Variants in RBM23 observed in about 807,000 individuals in gnomAD.
The protein encoded by RBM23 is probable RNA-binding protein 23.
In RBM23, 53 loss-of-function variants were observed where a neutral mutation model predicts 56.2. The observed-to-expected ratio is 0.94, with a 90% confidence interval of 0.76 to 1.19. RBM23 has a LOEUF of 1.19. RBM23 is among the 50% of genes most tolerant of loss of function. The pLI is 0.00. For synonymous variants in RBM23, 197 were observed against 198.5 expected (o/e 0.99, Z 0.06); for missense variants, 642 against 590.3 (o/e 1.09, Z -0.91).
chr14:22,908,893 T>A (rs964229928), intron 3 of RBM23, among the ~76,000 whole-genome samples: 3 of 151,552 alleles, frequency 2.0e-5, no homozygotes, highest in Non-Finnish European at 4.4e-5. Context: ...AGGCCATTTT[T>A]CCCCCTAATG....
At chr14:22,907,763 AC>A (rs2041817443) in intron 4 of RBM23, among the ~76,000 whole-genome samples, 1 of 152,234 alleles carries the variant, frequency 6.6e-6, no homozygotes, top group Non-Finnish European at 1.5e-5. Context: ...AAGCACTGTT[AC>A]AGCAGAGTAC....
chr14:22,918,633 G>A (rs2044013900), intron 1 of RBM23, among the ~76,000 whole-genome samples: 1 of 152,118 alleles, frequency 6.6e-6, no homozygotes, highest in Non-Finnish European at 1.5e-5. Context: ...TGGTGCGAGT[G>A]GCTGAAACTG....
At chr14:22,910,914 G>A (rs1342248340) in intron 2 of RBM23, among the ~76,000 whole-genome samples, 1 of 152,132 alleles carries the variant, frequency 6.6e-6, no homozygotes, top group Non-Finnish European at 1.5e-5. Context: ...GGGACGCTGA[G>A]GCATGAGAAT....
Position 22,906,351 on chromosome 14 carries a change from T to A in RBM23, c.245A>T (p.Asp82Val). Residue 82 changes from aspartate to valine, a missense_variant, in exon 5 of 14, where the codon GAT (aspartate) becomes GTT (valine). Physicochemically the swap from Asp to Val is radical, Grantham distance 152. Coordinates refer to ENST00000359890, the MANE Select transcript of RBM23 (RefSeq NM_001077351.2). The part of the protein sequence containing the change: ...DRKRSRSRDR[D>V]RYRRRNSRSR... ...CCGACTATTTCTCCGTCTATACCGA[T>A]CCCGATCTCGACTACGACTACAGAG... The A allele has an allele frequency of 6.2e-7, 1 of 1,614,138 alleles. No individual in the cohort carries two copies. The highest frequency in any genetic ancestry group is 8.5e-7 in the Non-Finnish European group (1 of 1,180,032).
chr14:22,910,414 T>C (rs1487103661), intron 2 of RBM23, among the ~76,000 whole-genome samples: 1 of 120,178 alleles, frequency 8.3e-6, no homozygotes, highest in African/African-American at 3.2e-5. Context: ...AACGCGCCAC[T>C]GCACTCCAGC....
chr14:22,908,459 CTT>C (rs1278228235), intron 3 of RBM23, 79 bp from the exon 4 acceptor site: 1 of 1,473,136 alleles, frequency 6.8e-7, no homozygotes, highest in African/African-American at 1.4e-5. Context: ...GTGGTGCAAT[CTT>C]GGCTCACTGC....
In RBM23 at chr14:22,899,493, G is replaced by C. The variant is rs1473030282; in HGVS notation, c.*2237C>G. On this transcript the variant is annotated 3_prime_UTR_variant, in exon 14 of 14. Coordinates refer to ENST00000359890, the MANE Select transcript of RBM23 (RefSeq NM_001077351.2). ...CCTCCCAGGCTCAAGCGATTCTCCT[G>C]TCTCAGCCTCCTGAGTAGCTGGGAT... The C allele has an allele frequency of 6.6e-6, 1 of 152,276 alleles. No individual in the cohort carries two copies. The highest frequency in any genetic ancestry group is 1.5e-5 in the Non-Finnish European group (1 of 68,134). The allele number at this position is 152,276 out of a possible 1,614,324, so 9.4% of individuals were successfully genotyped here. A position where few individuals can be genotyped will look rare whatever the true frequency, so the allele number is the denominator to read the frequency against.
At chr14:22,917,897 C>G (rs1393272482) in intron 1 of RBM23, 2 of 152,240 alleles carry the variant, frequency 1.3e-5, no homozygotes, top group Non-Finnish European at 2.9e-5. Context: ...GCTAAAGGAG[C>G]AGAGAGAACC....
chr14:22,893,504 G>A lies in RBM23; in HGVS notation c.*8226C>T, dbSNP rs2040198648. 6.6e-6 allele frequency: 1 copy of A among 152,186 alleles called. No homozygotes were observed. The highest frequency in any genetic ancestry group is 2.1e-4 in the South Asian group (1 of 4,828). The allele number at this position is 152,186 out of a possible 1,614,324, so 9.4% of individuals were successfully genotyped here. On this transcript the variant is annotated 3_prime_UTR_variant, in exon 14 of 14. Coordinates refer to ENST00000359890, the MANE Select transcript of RBM23 (RefSeq NM_001077351.2). Reference sequence around the variant, plus strand: ...ACAATACCACATTCTATCTAACTGGGGGCTACCTCATGTGCTCCAGGAATT... The same window carrying A: ...ACAATACCACATTCTATCTAACTGGAGGCTACCTCATGTGCTCCAGGAATT...
intron 5 of RBM23, chr14:22,905,934 G>C: frequency 1.7e-6 from 1 of 596,358 alleles, no homozygotes; most frequent in South Asian, 2.1e-5. Context: ...ATTTTTTGTA[G>C]AACCAGGGTT....
chr14:22,902,974 G>T (rs2040874858), intron 10 of RBM23: 1 of 705,462 alleles, frequency 1.4e-6, no homozygotes, highest in African/African-American at 1.9e-5. Context: ...TAGAGATGGG[G>T]TTTCACCACG....
At position 22,915,896 on chromosome 14, in the gene RBM23, C is replaced by T. The variant is rs114596566; in HGVS notation, c.-11+3103G>A. On this transcript the variant is annotated intron_variant, in intron 1 of 13. Transcript: ENST00000359890. Reference sequence around the variant, plus strand: ...TCATACCCAAATTTTTTAAAACTAACGTTTTTTGAACTGCTCAAAGTCATA... The same window carrying T: ...TCATACCCAAATTTTTTAAAACTAATGTTTTTTGAACTGCTCAAAGTCATA... Among the ~76,000 whole-genome samples the T allele has an allele frequency of 5.0e-3, 764 of 152,274 alleles. 7 individuals carry two copies. Among genetic ancestry groups the T allele is most frequent in the African/African-American group, 0.016 (653 of 41,560 alleles).
intron 10 of RBM23, chr14:22,903,962 C>T (rs2041069167): frequency 7.5e-7 from 1 of 1,331,706 alleles, no homozygotes; most frequent in African/African-American, 1.5e-5. Context: ...CCTCACACCC[C>T]CAACCTTTTA....
chr14:22,911,157 T>TA (rs925049763), intron 2 of RBM23, among the ~76,000 whole-genome samples, 171 bp downstream of exon 2: 6 of 152,218 alleles, frequency 3.9e-5, no homozygotes, highest in Non-Finnish European at 8.8e-5. Flanking sequence ...GTATGGCTCT[T>TA]AACCATAGTC....
Position 22,897,076 on chromosome 14 carries a change from G to A in RBM23, c.*4654C>T, listed in dbSNP as rs1042572674. The A allele has an allele frequency of 1.3e-5, 2 of 152,206 alleles. No individual in the cohort carries two copies. Among genetic ancestry groups the A allele is most frequent in the African/African-American group, 2.4e-5 (1 of 41,438 alleles). 9.4% of individuals were successfully genotyped at this position (152,206 alleles called of 1,614,324 possible). A position where few individuals can be genotyped will look rare whatever the true frequency, so the allele number is the denominator to read the frequency against. On this transcript the variant is annotated 3_prime_UTR_variant, in exon 14 of 14. Coordinates refer to ENST00000359890, the MANE Select transcript of RBM23 (RefSeq NM_001077351.2). ...GCTGCATCTTCTCTCCTGGTGGAGT[G>A]AGGAAGGAATGGATGAGGCTGCTGG...
chr14:22,903,070 C>A (rs533316011), intron 10 of RBM23: 1 of 985,368 alleles, frequency 1.0e-6, no homozygotes, highest in South Asian at 4.7e-5. Context: ...GTGTGAGCCA[C>A]CGCGCCTGGC....
rs2041304025 is a variant in RBM23 at position 22,905,136 on chromosome 14, C to A, written c.684G>T (p.Gly228=). The change falls in exon 8 of 14, where the codon GGG becomes GGT. Residue 228 remains glycine (G), a synonymous_variant. Coordinates refer to ENST00000359890, the MANE Select transcript of RBM23 (RefSeq NM_001077351.2). The part of the protein sequence containing the change: ...QSVPLAIGLT[G]QRLLGVPIIV... Reference sequence around the variant, plus strand: ...TGATAGGCACTCCCAGCAACCGCTGCCCAGTCAGCCCAATGGCCAGTGGCA... The same window carrying A: ...TGATAGGCACTCCCAGCAACCGCTGACCAGTCAGCCCAATGGCCAGTGGCA... 1 of 1,614,146 alleles carries A rather than the reference C, an allele frequency of 6.2e-7. No homozygotes were observed. Among genetic ancestry groups the A allele is most frequent in the Non-Finnish European group, 8.5e-7 (1 of 1,179,990 alleles).
chr14:22,907,272 G>T (rs1033492159), intron 4 of RBM23, among the ~76,000 whole-genome samples: 2 of 152,140 alleles, frequency 1.3e-5, no homozygotes, highest in South Asian at 4.1e-4. Context: ...AACCTGGGAG[G>T]CAGAGGTTGC....
rs540921494 is a variant in RBM23, at chr14:22,916,134, T to C, written c.-11+2865A>G. Reference sequence around the variant, plus strand: ...AGGAGCCTGAAATGGAAGGATCGCTTGAACCCAGGAAGTTGAGGCTGCAGT... The same window carrying C: ...AGGAGCCTGAAATGGAAGGATCGCTCGAACCCAGGAAGTTGAGGCTGCAGT... On this transcript the variant is annotated intron_variant, in intron 1 of 13. Transcript: ENST00000359890. Among the ~76,000 whole-genome samples, 19 of 152,304 alleles carry C rather than the reference T, an allele frequency of 1.2e-4. No homozygotes were observed. In the Middle Eastern group the frequency reaches 0.01, roughly 82 times the overall value.
Sources: gnomAD v4.1 joint callset for allele counts (sites outside exome capture counted in the v4.1 genomes callset) on GRCh38, gnomAD v4.1.1 for gene constraint, MANE v1.5 for transcripts, NCBI Gene and HGNC (gene_info 2026-07-23, HGNC 2026-07-21) for gene names.